Variants in SUZ12 observed in about 807,000 individuals in gnomAD.
SUZ12 encodes the protein SUZ12 polycomb repressive complex 2 subunit, also known as polycomb protein SUZ12.
Under a neutral mutation model 87.3 loss-of-function variants are expected in SUZ12, and 17 were observed. The observed-to-expected ratio is 0.19, with a 90% confidence interval of 0.13 to 0.29. The LOEUF is 0.29. SUZ12 is among the 10% of genes least tolerant of loss of function. SUZ12 has a pLI of 1.00. For missense variants in SUZ12, 526 were observed against 912.2 expected, an observed-to-expected ratio of 0.58 and a Z score of 5.45; for synonymous variants, 253 against 312.4, an observed-to-expected ratio of 0.81 and a Z score of 2.01.
intron 5 of SUZ12, 27 bp downstream of exon 5, chr17:31,966,223 G>A (rs1345262517): frequency 6.4e-7 from 1 of 1,568,696 alleles, no homozygotes; most frequent in South Asian, 1.2e-5. Context: ...AAATAAAGTG[G>A]CATTTTAATA....
chr17:31,996,759 AAT>A (rs1368298689), intron 14 of SUZ12, 37 bp from the exon 15 acceptor site: 4 of 1,393,154 alleles, frequency 2.9e-6, no homozygotes, highest in African/African-American at 3.0e-5. Flanking sequence ...TTTTTCTTAA[AAT>A]ATGTGTTTAA....
At chr17:31,939,814 C>T (rs577422100) in intron 1 of SUZ12, among the ~76,000 whole-genome samples, 1 of 152,320 alleles carries the variant, frequency 6.6e-6, no homozygotes, top group Non-Finnish European at 1.5e-5. Flanking sequence ...GCATGAGCCA[C>T]TGCGCCTGGC....
intron 4 of SUZ12, among the ~76,000 whole-genome samples, chr17:31,960,818 A>G (rs1350489307): frequency 6.6e-6 from 1 of 152,070 alleles, no homozygotes; most frequent in Non-Finnish European, 1.5e-5. Flanking sequence ...ACCTCAAGTG[A>G]TTCCCCCTGC....
intron 8 of SUZ12, among the ~76,000 whole-genome samples, chr17:31,980,073 T>TA (rs778764422): frequency 1.3e-5 from 2 of 151,584 alleles, no homozygotes; most frequent in South Asian, 4.2e-4. Context: ...CCTGTAACCC[T>TA]AACACTTTGG....
chr17:31,956,431 G>C (rs368906411), intron 4 of SUZ12, among the ~76,000 whole-genome samples: 2 of 151,810 alleles, frequency 1.3e-5, no homozygotes, highest in Non-Finnish European at 2.9e-5. Context: ...CCTCGTGATC[G>C]GCCCACCTCA....
At chr17:31,994,293 C>A in intron 12 of SUZ12, 1 of 433,032 alleles carries the variant, frequency 2.3e-6, no homozygotes, top group Non-Finnish European at 4.0e-6. Context: ...TCACAAAATC[C>A]TCAACCAACT....
chr17:31,942,132 G>A (rs1906331629), intron 3 of SUZ12, among the ~76,000 whole-genome samples: 1 of 152,172 alleles, frequency 6.6e-6, no homozygotes, highest in Admixed American at 6.5e-5. Flanking sequence ...GATGACAGGC[G>A]TGAGCCACTG....
chr17:31,943,473 A>G (rs1567811728), intron 3 of SUZ12, among the ~76,000 whole-genome samples: 1 of 152,130 alleles, frequency 6.6e-6, no homozygotes, highest in Non-Finnish European at 1.5e-5. Context: ...GAGAAATGAG[A>G]ATTTTATTTT....
At chr17:31,971,004 T>A (rs555717147) in intron 5 of SUZ12, among the ~76,000 whole-genome samples, 3 of 152,308 alleles carry the variant, frequency 2.0e-5, no homozygotes, top group Admixed American at 2.0e-4. Flanking sequence ...CTCTAGAACC[T>A]TAATTTGTAA....
In SUZ12 at chr17:31,981,018, C is replaced by T. The variant is rs544527412; in HGVS notation, c.918-1981C>T. On this transcript the variant is annotated intron_variant, in intron 8 of 15. Transcript: ENST00000322652. ...CTGCACTCTAGCCTGGGTGACACAGCGACTGTCAAAAAAAAAAACCAAAAA... is the reference window on the plus strand; with the variant it reads ...CTGCACTCTAGCCTGGGTGACACAGTGACTGTCAAAAAAAAAAACCAAAAA... Among the ~76,000 whole-genome samples the T allele has an allele frequency of 1.1e-4, 17 of 150,346 alleles. No individual in the cohort carries two copies. In the East Asian group the frequency reaches 2.3e-3, roughly 21 times the overall value.
intron 12 of SUZ12, 90 bp downstream of exon 12, chr17:31,994,098 TA>T (rs1304678254): frequency 7.6e-7 from 1 of 1,315,424 alleles, no homozygotes; most frequent in African/African-American, 1.5e-5. Context: ...AAAAATTTTT[TA>T]AATTAAAAAA....
At chr17:31,991,107 C>T (rs1372669218) in intron 10 of SUZ12, among the ~76,000 whole-genome samples, 1 of 152,202 alleles carries the variant, frequency 6.6e-6, no homozygotes, top group Non-Finnish European at 1.5e-5. Flanking sequence ...AGAGAGCACT[C>T]ATGTGTCTTT....
At chr17:31,943,924 C>G (rs1473658334) in intron 3 of SUZ12, among the ~76,000 whole-genome samples, 2 of 151,944 alleles carry the variant, frequency 1.3e-5, no homozygotes, top group Non-Finnish European at 2.9e-5. Flanking sequence ...TCTCAAACTC[C>G]TGACCTCATG....
At chr17:31,937,547 A>T (rs1464912360) in intron 1 of SUZ12, 27 bp downstream of exon 1, 3 of 1,531,606 alleles carry the variant, frequency 2.0e-6, no homozygotes, top group South Asian at 1.2e-5. Context: ...CTTTGAGGGC[A>T]GGAAGACCCA....
At chr17:31,994,536 T>C (rs1567839223) in intron 12 of SUZ12, 28 bp from the exon 13 acceptor site, 1 of 1,547,840 alleles carries the variant, frequency 6.5e-7, no homozygotes, top group South Asian at 1.2e-5. Flanking sequence ...ATACTTAATA[T>C]ATTTTTTTTT....
chr17:31,993,354 TTAAAG>T (rs1909818013), intron 11 of SUZ12, 21 bp downstream of exon 11: 2 of 1,401,970 alleles, frequency 1.4e-6, no homozygotes, highest in Non-Finnish European at 9.9e-7. Flanking sequence ...CTGACCCTTC[TTAAAG>T]TAATTATGAA....
intron 5 of SUZ12, among the ~76,000 whole-genome samples, chr17:31,972,333 G>GTA (rs1289348448): frequency 2.0e-5 from 3 of 148,528 alleles, no homozygotes; most frequent in East Asian, 2.0e-4. Context: ...GTATGTATGT[G>GTA]TATATATATG....
chr17:31,995,116 A>T (rs1909903811), intron 13 of SUZ12, among the ~76,000 whole-genome samples: 1 of 152,202 alleles, frequency 6.6e-6, no homozygotes, highest in African/African-American at 2.4e-5. Context: ...TAATAGTAAT[A>T]AAAAAATTAC....
At chr17:31,986,820 G>C (rs1345802231) in intron 9 of SUZ12, among the ~76,000 whole-genome samples, 1 of 152,220 alleles carries the variant, frequency 6.6e-6, no homozygotes, top group East Asian at 1.9e-4. Context: ...AAAGTGCTGG[G>C]ATTACAGGCG....
Sources: allele counts gnomAD v4.1 joint callset (sites outside exome capture counted in the v4.1 genomes callset), GRCh38; gene constraint gnomAD v4.1.1; transcripts MANE v1.5; gene names NCBI Gene and HGNC (gene_info 2026-07-23, HGNC 2026-07-21).